SLC9A9: variants seen among roughly 807,000 people sequenced by gnomAD.
SLC9A9 encodes sodium/hydrogen exchanger 9.
Under a neutral mutation model 77.8 loss-of-function variants are expected in SLC9A9, and 62 were observed. The observed-to-expected ratio is 0.80, with a 90% CI of 0.65 to 0.98. The LOEUF is 0.98. SLC9A9 is among the 50% of genes least tolerant of loss of function. The pLI is 0.00. For missense variants in SLC9A9, 775 were observed against 774.9 expected, an observed-to-expected ratio of 1.00 and a Z score of 0.00; for synonymous variants, 320 against 283.5, an observed-to-expected ratio of 1.13 and a Z score of -1.29.
intron 12 of SLC9A9, among the ~76,000 whole-genome samples, chr3:143,400,234 G>T (rs756973194): frequency 6.6e-6 from 1 of 152,110 alleles, no homozygotes; most frequent in East Asian, 1.9e-4. Context: ...TTCATGTATG[G>T]CTAGTATGTT....
intron 8 of SLC9A9, among the ~76,000 whole-genome samples, chr3:143,554,959 G>A (rs943597933): frequency 2.6e-5 from 4 of 151,868 alleles, no homozygotes. Flanking sequence ...TTTTTTTCCT[G>A]TACTATATCT....
chr3:143,792,903 A>C (rs1436124756), intron 4 of SLC9A9, among the ~76,000 whole-genome samples: 1 of 152,158 alleles, frequency 6.6e-6, no homozygotes, highest in African/African-American at 2.4e-5. Context: ...TAAAGTATGA[A>C]TCTGACTTTT....
intron 11 of SLC9A9, among the ~76,000 whole-genome samples, chr3:143,491,687 A>T (rs1373253948): frequency 5.3e-5 from 8 of 152,222 alleles, no homozygotes; most frequent in African/African-American, 1.9e-4. Flanking sequence ...ACAGGTGGCC[A>T]TTTGGGCAGA....
intron 2 of SLC9A9, among the ~76,000 whole-genome samples, chr3:143,805,436 T>C (rs975739282): frequency 2.0e-5 from 3 of 152,078 alleles, no homozygotes; most frequent in Non-Finnish European, 4.4e-5. Flanking sequence ...ACTTCAATAC[T>C]ATTTTATGTT....
rs765456144 is a variant in SLC9A9 at position 143,832,198 on chromosome 3, G to A, written c.199C>T (p.Arg67Ter). ...ATATCAGTTGGTGCTGTAGCATATC[G>A]TAAAATTAGTCCCATTATAAGGCCT... is the stretch of plus-strand genomic sequence containing the variant. ...VYGLIMGLIL[R>*]YATAPTDIES... The change falls in exon 2 of 16, where the codon CGA (arginine) becomes TGA (stop). Residue 67 changes from arginine (R) to a stop codon, truncating the protein, a stop_gained. Transcript: ENST00000316549. LOFTEE classifies it high-confidence loss of function. The A allele has an allele frequency of 5.6e-6, 9 of 1,611,772 alleles. No homozygotes were observed. The highest frequency in any genetic ancestry group is 2.2e-5 in the East Asian group (1 of 44,770).
intron 12 of SLC9A9, among the ~76,000 whole-genome samples, chr3:143,440,770 C>T (rs528630316): frequency 6.6e-6 from 1 of 152,156 alleles, no homozygotes; most frequent in African/African-American, 2.4e-5. Flanking sequence ...GTGTACACCC[C>T]AAAGGAGCTT....
At chr3:143,440,169 T>C (rs1213535971) in intron 12 of SLC9A9, among the ~76,000 whole-genome samples, 1 of 152,244 alleles carries the variant, frequency 6.6e-6, no homozygotes, top group Non-Finnish European at 1.5e-5. Context: ...TTTGTGACTT[T>C]TGTTTGCCCC....
chr3:143,601,229 T>A (rs529819869), intron 6 of SLC9A9, among the ~76,000 whole-genome samples: 2 of 152,144 alleles, frequency 1.3e-5, no homozygotes, highest in South Asian at 2.1e-4. Context: ...GATATGCAAG[T>A]GAATATGACA....
At chr3:143,534,343 T>C (rs369627135) in intron 9 of SLC9A9, among the ~76,000 whole-genome samples, 13 of 152,318 alleles carry the variant, frequency 8.5e-5, no homozygotes, top group African/African-American at 1.7e-4. Flanking sequence ...GTTAAAAAAG[T>C]GTGACCATGA....
intron 9 of SLC9A9, among the ~76,000 whole-genome samples, chr3:143,502,650 T>C (rs2035943250): frequency 6.6e-6 from 1 of 152,138 alleles, no homozygotes; most frequent in Admixed American, 6.5e-5. Flanking sequence ...TTCCTCAACA[T>C]AGCTTTTATG....
intron 4 of SLC9A9, among the ~76,000 whole-genome samples, chr3:143,726,109 C>T (rs1395487011): frequency 6.6e-6 from 1 of 151,666 alleles, no homozygotes; most frequent in Non-Finnish European, 1.5e-5. Flanking sequence ...ATTAAAATTA[C>T]TTTGAGAAAT....
Position 143,725,211 on chromosome 3 carries a change from G to T in SLC9A9, c.534-31904C>A, listed in dbSNP as rs575037694. On this transcript the variant is annotated intron_variant, in intron 4 of 15. Transcript: ENST00000316549. ...CACATAGTTCACACCAGTTAGAATG[G>T]CAATCATTAAAAAGTCAGGAAACAA... Among the ~76,000 whole-genome samples, 16 of 152,240 alleles carry T rather than the reference G, an allele frequency of 1.1e-4. 1 individual carries two copies. The highest frequency in any genetic ancestry group is 3.9e-4 in the African/African-American group (16 of 41,530).
Position 143,741,485 on chromosome 3 carries a change from T to C in SLC9A9, c.534-48178A>G, listed in dbSNP as rs79078744. The stretch of plus-strand genomic sequence containing the variant: ...AAATGGATGGTAAGAGACAAATCTC[T>C]TTATGCAGAAGATGTTTCTTAAATG... On this transcript the variant is annotated intron_variant, in intron 4 of 15. Coordinates refer to ENST00000316549, the MANE Select transcript of SLC9A9 (RefSeq NM_173653.4). 5.5e-3 allele frequency among the ~76,000 whole-genome samples: 843 copies of C among 152,350 alleles called. 4 individuals carry two copies. Among genetic ancestry groups the C allele is most frequent in the African/African-American group, 0.019 (783 of 41,576 alleles).
chr3:143,845,587 G>A (rs538306769), intron 1 of SLC9A9, among the ~76,000 whole-genome samples: 1 of 152,290 alleles, frequency 6.6e-6, no homozygotes, highest in Non-Finnish European at 1.5e-5. Flanking sequence ...ACATGGACCA[G>A]TCATGAGTGG....
rs116447371 is a variant in SLC9A9 at position 143,775,951 on chromosome 3, C to T, written c.533+19050G>A. On this transcript the variant is annotated intron_variant, in intron 4 of 15. Coordinates refer to ENST00000316549, the MANE Select transcript of SLC9A9 (RefSeq NM_173653.4). ...CCGTTAAAATCTAGCTTCAACTCTACGTGGGTGTTAGTGGTTAAAAAGCAC... is the reference window on the plus strand; with the variant it reads ...CCGTTAAAATCTAGCTTCAACTCTATGTGGGTGTTAGTGGTTAAAAAGCAC... Among the ~76,000 whole-genome samples the T allele has an allele frequency of 3.2e-3, 494 of 152,282 alleles. 1 individual carries two copies. Among genetic ancestry groups the T allele is most frequent in the Middle Eastern group, 0.014 (4 of 294 alleles).
intron 8 of SLC9A9, among the ~76,000 whole-genome samples, chr3:143,557,476 A>C (rs2037006481): frequency 6.6e-6 from 1 of 152,208 alleles, no homozygotes. Flanking sequence ...GCTCAGAAGA[A>C]GACAGGAAAA....
At chr3:143,547,038 T>C (rs1433061302) in intron 9 of SLC9A9, among the ~76,000 whole-genome samples, 3 of 152,208 alleles carry the variant, frequency 2.0e-5, no homozygotes, top group Non-Finnish European at 4.4e-5. Context: ...TCAGCAGCAT[T>C]TGGTATAATT....
intron 5 of SLC9A9, among the ~76,000 whole-genome samples, chr3:143,682,802 T>C (rs1933143972): frequency 6.6e-6 from 1 of 152,178 alleles, no homozygotes; most frequent in African/African-American, 2.4e-5. Context: ...TATATCTTTC[T>C]GCCCTTTTCT....
intron 2 of SLC9A9, among the ~76,000 whole-genome samples, chr3:143,819,821 T>C (rs1375878537): frequency 6.6e-6 from 1 of 152,218 alleles, no homozygotes; most frequent in Non-Finnish European, 1.5e-5. Flanking sequence ...CAGTGTCTCA[T>C]TTATTTCTTT....
Sources: allele counts gnomAD v4.1 joint callset (sites outside exome capture counted in the v4.1 genomes callset), GRCh38; gene constraint gnomAD v4.1.1; transcripts MANE v1.5; gene names NCBI Gene and HGNC (gene_info 2026-07-23, HGNC 2026-07-21).